The following PLEKHM3 variants were observed in gnomAD, a reference collection of about 807,000 sequenced individuals.
PLEKHM3 encodes the protein pleckstrin homology domain containing M3.
Under a neutral mutation model 81.8 loss-of-function variants are expected in PLEKHM3, and 45 were observed. The observed-to-expected ratio is 0.55, with a 90% CI of 0.43 to 0.71. The LOEUF (loss-of-function observed/expected upper bound fraction) is 0.71. Ranked by LOEUF, PLEKHM3 falls within the 30% of genes least tolerant of loss-of-function variation. The pLI, the probability that PLEKHM3 is intolerant of heterozygous loss-of-function variation, is 0.00. For missense variants in PLEKHM3, 788 were observed against 924.3 expected, an observed-to-expected ratio of 0.85 and a Z score of 1.91; for synonymous variants, 352 against 356.4, an observed-to-expected ratio of 0.99 and a Z score of 0.14.
intron 3 of PLEKHM3, among the ~76,000 whole-genome samples, chr2:207,952,392 G>T (rs193108465): frequency 6.6e-6 from 1 of 152,146 alleles, no homozygotes; most frequent in African/African-American, 2.4e-5. Context: ...TTGATCATAT[G>T]CTCTTCAGAC....
intron 4 of PLEKHM3, among the ~76,000 whole-genome samples, chr2:207,937,106 G>A (rs1192607820): frequency 1.3e-5 from 2 of 152,074 alleles, no homozygotes; most frequent in Admixed American, 6.6e-5. Context: ...ATGTATGTAC[G>A]CACGCCCCCT....
intron 6 of PLEKHM3, among the ~76,000 whole-genome samples, chr2:207,908,135 A>G (rs1274912616): frequency 6.6e-6 from 1 of 152,176 alleles, no homozygotes; most frequent in Non-Finnish European, 1.5e-5. Context: ...TATTATGAAT[A>G]ATGCTGCTCT....
chr2:207,899,206 G>A (rs1238428319), intron 6 of PLEKHM3, among the ~76,000 whole-genome samples: 2 of 152,172 alleles, frequency 1.3e-5, no homozygotes, highest in Non-Finnish European at 2.9e-5. Flanking sequence ...TGAAGTGCTG[G>A]AAACCTCCTC....
chr2:207,975,769 G>A (rs1295526258), intron 3 of PLEKHM3, among the ~76,000 whole-genome samples: 2 of 151,376 alleles, frequency 1.3e-5, no homozygotes, highest in East Asian at 3.9e-4. Flanking sequence ...ACGAATTTTT[G>A]CACTTTTAGT....
At chr2:207,893,518 A>C (rs1559224761) in intron 6 of PLEKHM3, among the ~76,000 whole-genome samples, 1 of 152,168 alleles carries the variant, frequency 6.6e-6, no homozygotes, top group Non-Finnish European at 1.5e-5. Flanking sequence ...ACCATAAACT[A>C]GGGGATGGAT....
intron 3 of PLEKHM3, among the ~76,000 whole-genome samples, chr2:207,972,774 T>A (rs1439096275): frequency 6.6e-6 from 1 of 152,146 alleles, no homozygotes. Context: ...ACCTCAGGCA[T>A]TTTTGCATAA....
At chr2:207,855,168 T>C (rs1472115020) in intron 7 of PLEKHM3, among the ~76,000 whole-genome samples, 2 of 152,078 alleles carry the variant, frequency 1.3e-5, no homozygotes, top group Non-Finnish European at 2.9e-5. Flanking sequence ...AGTAAGACGA[T>C]CCTGGTGCAT....
At chr2:207,880,795 AAACAAACAAAC>A in intron 6 of PLEKHM3, among the ~76,000 whole-genome samples, 1 of 141,212 alleles carries the variant, frequency 7.1e-6, no homozygotes, top group Non-Finnish European at 1.5e-5. Flanking sequence ...AAAACCAAAA[AAACAAACAAAC>A]AAAAAAAAAC....
At chr2:207,903,464 T>G (rs2105893642) in intron 6 of PLEKHM3, among the ~76,000 whole-genome samples, 1 of 152,306 alleles carries the variant, frequency 6.6e-6, no homozygotes, top group Middle Eastern at 3.4e-3. Flanking sequence ...AATCATTCAA[T>G]GCTTAACTTA....
chr2:207,844,888 A>AG (rs2092374728), intron 7 of PLEKHM3, among the ~76,000 whole-genome samples: 1 of 152,084 alleles, frequency 6.6e-6, no homozygotes. Flanking sequence ...TGTGGTTTGG[A>AG]GGGGGATTCC....
chr2:207,985,713 G>A (rs529925552), intron 2 of PLEKHM3, among the ~76,000 whole-genome samples: 16 of 152,094 alleles, frequency 1.1e-4, no homozygotes, highest in South Asian at 1.0e-3. Context: ...GGCCGGGTGC[G>A]GTGTGGCTCA....
In PLEKHM3 at chr2:207,976,102, T is replaced by A. The variant is rs1691300873; in HGVS notation, c.1546+549A>T. Among the ~76,000 whole-genome samples, 1 of 152,236 alleles carries A rather than the reference T, an allele frequency of 6.6e-6. No individual in the cohort carries two copies. Among genetic ancestry groups the A allele is most frequent in the Admixed American group, 6.5e-5 (1 of 15,288 alleles). ...AGCCCATAGTGACTCAGTGGTCATC[T>A]GCTGAATCATCATTTACTCCGCTTT... On this transcript the variant is annotated intron_variant, in intron 3 of 7. Coordinates refer to ENST00000427836, the MANE Select transcript of PLEKHM3 (RefSeq NM_001080475.3). This position sits in a 1 kb window ranked among gnomAD's most constrained non-coding sequence, Gnocchi z 4.1.
At chr2:207,932,496 C>A (rs1208881354) in intron 4 of PLEKHM3, among the ~76,000 whole-genome samples, 1 of 151,466 alleles carries the variant, frequency 6.6e-6, no homozygotes, top group Non-Finnish European at 1.5e-5. Flanking sequence ...AAACAAAAAA[C>A]TTTGCTTATT....
In PLEKHM3 at chr2:207,827,613, C is replaced by T. The variant is rs1175068780; in HGVS notation, c.*706G>A. The T allele has an allele frequency of 1.3e-5, 2 of 152,206 alleles. No homozygotes were observed. The highest frequency in any genetic ancestry group is 3.9e-4 in the East Asian group (2 of 5,194). The allele number at this position is 152,206 out of a possible 1,614,324, so 9.4% of individuals were successfully genotyped here. On this transcript the variant is annotated 3_prime_UTR_variant, in exon 8 of 8. Coordinates refer to ENST00000427836, the MANE Select transcript of PLEKHM3 (RefSeq NM_001080475.3). ...ACGCAGTTATTGGTCGCAGAGGTTT[C>T]TTCTCTTCTCAGGAAAAAAACTTCT...
At chr2:207,956,042 TCATA>T (rs1354181073) in intron 3 of PLEKHM3, among the ~76,000 whole-genome samples, 8 of 152,112 alleles carry the variant, frequency 5.3e-5, no homozygotes, top group African/African-American at 1.9e-4. Context: ...GAACGTTCAT[TCATA>T]AAGGCTCAAG....
intron 3 of PLEKHM3, among the ~76,000 whole-genome samples, chr2:207,954,959 T>C (rs1690454941): frequency 6.6e-6 from 1 of 152,208 alleles, no homozygotes; most frequent in African/African-American, 2.4e-5. Flanking sequence ...TTATTGGTCT[T>C]TCAGGTAAAC....
chr2:207,845,472 C>T (rs2092377315), intron 7 of PLEKHM3, among the ~76,000 whole-genome samples: 1 of 152,190 alleles, frequency 6.6e-6, no homozygotes, highest in South Asian at 2.1e-4. Flanking sequence ...TAAAAACCGA[C>T]CTAAAAGATG....
At position 207,950,503 on chromosome 2, in the gene PLEKHM3, A is replaced by G. The variant is rs140503656; in HGVS notation, c.1547-3991T>C. Among the ~76,000 whole-genome samples the G allele has an allele frequency of 2.7e-3, 415 of 152,290 alleles. 6 individuals carry two copies. Among genetic ancestry groups the G allele is most frequent in the African/African-American group, 9.5e-3 (394 of 41,554 alleles). ...AATATGGACCCTTCTTCCCACTGAGATGATTTTGACTCTGTAGATCTTGGG... is the reference window on the plus strand; with the variant it reads ...AATATGGACCCTTCTTCCCACTGAGGTGATTTTGACTCTGTAGATCTTGGG... On this transcript the variant is annotated intron_variant, in intron 3 of 7. Coordinates refer to ENST00000427836, the MANE Select transcript of PLEKHM3 (RefSeq NM_001080475.3).
At chr2:207,835,189 C>T (rs894404807) in intron 7 of PLEKHM3, among the ~76,000 whole-genome samples, 3 of 151,496 alleles carry the variant, frequency 2.0e-5, no homozygotes, top group Admixed American at 6.6e-5. Context: ...GTGATCCGCC[C>T]GCCTTGGCCT....
Sources: gnomAD v4.1 joint callset for allele counts (sites outside exome capture counted in the v4.1 genomes callset) on GRCh38, gnomAD v4.1.1 for gene constraint, Gnocchi (gnomAD v3.1) non-coding constraint, MANE v1.5 for transcripts, NCBI Gene and HGNC (gene_info 2026-07-23, HGNC 2026-07-21) for gene names.